ARFGEF3: variants seen among roughly 807,000 people sequenced by gnomAD.
ARFGEF3 encodes the protein ARFGEF family member 3, also known as brefeldin A-inhibited guanine nucleotide-exchange protein 3.
A neutral mutation model predicts 221.7 loss-of-function variants in ARFGEF3; 96 were observed. That is an observed-to-expected ratio of 0.43 (90% CI 0.37 to 0.51). ARFGEF3 has a LOEUF of 0.51. ARFGEF3 is among the 20% of genes least tolerant of loss of function. The pLI is 0.00. For missense variants in ARFGEF3, 2,410 were observed against 2,789.9 expected (o/e 0.86, Z 3.07); for synonymous variants, 1,145 against 1,126.8 (o/e 1.02, Z -0.32).
chr6:138,188,639 G>A (rs1777237563), intron 2 of ARFGEF3, among the ~76,000 whole-genome samples: 1 of 152,240 alleles, frequency 6.6e-6, no homozygotes, highest in South Asian at 2.1e-4. Context: ...TAGGCTATAA[G>A]GCAGTTACAG....
chr6:138,174,931 A>C (rs1262722980), intron 2 of ARFGEF3, among the ~76,000 whole-genome samples: 1 of 152,182 alleles, frequency 6.6e-6, no homozygotes, highest in Non-Finnish European at 1.5e-5. Flanking sequence ...AATCCTTGAG[A>C]GACCTATGTT....
chr6:138,309,909 G>A (rs1490732841), intron 24 of ARFGEF3, among the ~76,000 whole-genome samples: 1 of 152,170 alleles, frequency 6.6e-6, no homozygotes, highest in African/African-American at 2.4e-5. Context: ...TACTCAGTCT[G>A]ATTCAAATGC....
At chr6:138,202,696 A>C (rs55833674) in intron 2 of ARFGEF3, among the ~76,000 whole-genome samples, 22,764 of 150,664 alleles carry the variant, frequency 0.15, 3,687 homozygotes, top group African/African-American at 0.41. Context: ...AAAAAAAAAA[A>C]CCCTGTTTTT....
intron 2 of ARFGEF3, among the ~76,000 whole-genome samples, chr6:138,178,516 C>T (rs1311653004): frequency 6.6e-6 from 1 of 152,180 alleles, no homozygotes. Context: ...ATATTTCTCT[C>T]CCTTGTGTCC....
Position 138,298,616 on chromosome 6 carries a change from A to G in ARFGEF3, c.3659A>G (p.His1220Arg), listed in dbSNP as rs1337838313. ...VAPHLVEAAC[H>R]KERHVSQKAV... ...TCGTGAATTTTGCAGGCTGCTTGCC[A>G]TAAGGAAAGACATGTGTCTCAGAAG... Residue 1220 changes from histidine to arginine, a missense_variant, in exon 22 of 34, where the codon CAT (histidine) becomes CGT (arginine). Physicochemically the swap from His to Arg is conservative, Grantham distance 29. Transcript: ENST00000251691. 1.9e-6 allele frequency: 3 copies of G among 1,612,178 alleles called. No individual in the cohort carries two copies. Among genetic ancestry groups the G allele is most frequent in the East Asian group, 2.2e-5 (1 of 44,854 alleles).
intron 6 of ARFGEF3, among the ~76,000 whole-genome samples, chr6:138,242,075 T>A (rs1778402723): frequency 6.6e-6 from 1 of 152,204 alleles, no homozygotes; most frequent in East Asian, 1.9e-4. Context: ...CAAAAGTTGT[T>A]GTGGAAGCAG....
chr6:138,211,991 A>G (rs1777736801), intron 4 of ARFGEF3, among the ~76,000 whole-genome samples: 1 of 152,210 alleles, frequency 6.6e-6, no homozygotes, highest in Non-Finnish European at 1.5e-5. Context: ...AAAAAGAAAA[A>G]CAATGAATCT....
At chr6:138,192,317 C>T (rs1487984367) in intron 2 of ARFGEF3, among the ~76,000 whole-genome samples, 23 of 152,098 alleles carry the variant, frequency 1.5e-4, no homozygotes, top group South Asian at 1.2e-3. Context: ...GACGAAACAT[C>T]GTCTACTAAA....
Position 138,210,161 on chromosome 6 carries a change from C to T in ARFGEF3, c.351+120C>T, listed in dbSNP as rs147619292. On this transcript the variant is annotated intron_variant, in intron 4 of 33. Coordinates refer to ENST00000251691, the MANE Select transcript of ARFGEF3 (RefSeq NM_020340.5). ...CATGCTAGCTCATCTTCATTTGGAA[C>T]GGATGCTTGTTATTCTTGCTCATGG... 1.7e-4 allele frequency: 164 copies of T among 957,910 alleles called. No homozygotes were observed. In the East Asian group the frequency reaches 4.0e-3, roughly 23 times the overall value. The allele number at this position is 957,910 out of a possible 1,614,324, so 59.3% of individuals were successfully genotyped here. A position where few individuals can be genotyped will look rare whatever the true frequency, so the allele number is the denominator to read the frequency against.
chr6:138,208,851 T>C (rs1194506330), intron 3 of ARFGEF3, among the ~76,000 whole-genome samples: 1 of 152,066 alleles, frequency 6.6e-6, no homozygotes, highest in East Asian at 1.9e-4. Context: ...GGAGAGAACA[T>C]TTGGAGGAGC....
At chr6:138,198,976 A>G (rs1777484416) in intron 2 of ARFGEF3, among the ~76,000 whole-genome samples, 1 of 152,234 alleles carries the variant, frequency 6.6e-6, no homozygotes, top group Non-Finnish European at 1.5e-5. Context: ...ATGGCAGCAC[A>G]TGCCTGTAAT....
At chr6:138,317,176 T>C in intron 26 of ARFGEF3, 75 bp from the exon 27 acceptor site, 1 of 1,530,944 alleles carries the variant, frequency 6.5e-7, no homozygotes, top group Admixed American at 1.9e-5. Flanking sequence ...TTACATACAA[T>C]GTTTAATTGG....
rs199706726 is a variant in ARFGEF3, at chr6:138,261,654, C to G, written c.1217+15C>G. The stretch of plus-strand genomic sequence containing the variant: ...CTCCTCAAACTGTATGATGTTTATC[C>G]TTTTAAGTCTTTATTGAGGCTGCTT... On this transcript the variant is annotated intron_variant, in intron 11 of 33. Transcript: ENST00000251691. The G allele has an allele frequency of 1.2e-3, 1,782 of 1,436,794 alleles. 4 individuals are homozygous for G. The highest frequency in any genetic ancestry group is 1.4e-3 in the Non-Finnish European group (1,535 of 1,063,044). 89.0% of individuals were successfully genotyped at this position (1,436,794 alleles called of 1,614,324 possible).
At chr6:138,331,135 G>C (rs533234145) in intron 32 of ARFGEF3, among the ~76,000 whole-genome samples, 10 of 152,222 alleles carry the variant, frequency 6.6e-5, no homozygotes, top group Non-Finnish European at 1.5e-4. Flanking sequence ...ACATAGAACA[G>C]CCTAATGTCC....
At chr6:138,258,693 C>T (rs1006104464) in intron 10 of ARFGEF3, among the ~76,000 whole-genome samples, 7 of 152,210 alleles carry the variant, frequency 4.6e-5, no homozygotes, top group Non-Finnish European at 8.8e-5. Flanking sequence ...ATGTTTTCCC[C>T]TAGTATTTAA....
Position 138,312,783 on chromosome 6 carries a change from C to T in ARFGEF3, c.4201-1012C>T, listed in dbSNP as rs1391184765. On this transcript the variant is annotated intron_variant, in intron 25 of 33. Transcript: ENST00000251691. ...GGTGTGCAGTGGCATGATCTCAGCT[C>T]ACTACAACCTCTGCCTCCCAGGTTC... Among the ~76,000 whole-genome samples, 2 of 152,208 alleles carry T rather than the reference C, an allele frequency of 1.3e-5. 1 individual carries two copies. Among genetic ancestry groups the T allele is most frequent in the East Asian group, 3.9e-4 (2 of 5,190 alleles).
At chr6:138,224,977 A>G (rs1778054918) in intron 4 of ARFGEF3, among the ~76,000 whole-genome samples, 1 of 152,218 alleles carries the variant, frequency 6.6e-6, no homozygotes, top group Admixed American at 6.5e-5. Flanking sequence ...GAGAGATTTC[A>G]GCCAGGTTGA....
At chr6:138,272,450 C>A (rs772412668) in intron 12 of ARFGEF3, among the ~76,000 whole-genome samples, 2 of 152,190 alleles carry the variant, frequency 1.3e-5, no homozygotes, top group Non-Finnish European at 2.9e-5. Flanking sequence ...GGCCACTGCA[C>A]CTGGCCTATA....
chr6:138,168,451 A>G (rs1776762283), intron 1 of ARFGEF3, among the ~76,000 whole-genome samples: 1 of 152,196 alleles, frequency 6.6e-6, no homozygotes, highest in Non-Finnish European at 1.5e-5. Flanking sequence ...AGATCATGAA[A>G]GTCCTTGTTG....
Sources: gnomAD v4.1 joint callset for allele counts (sites outside exome capture counted in the v4.1 genomes callset) on GRCh38, gnomAD v4.1.1 for gene constraint, MANE v1.5 for transcripts, NCBI Gene and HGNC (gene_info 2026-07-23, HGNC 2026-07-21) for gene names.